KCNH1: variants seen among roughly 807,000 people sequenced by gnomAD.
KCNH1 encodes potassium voltage-gated channel subfamily H member 1.
A neutral mutation model predicts 69.2 loss-of-function variants in KCNH1; 27 were observed. That is an observed-to-expected ratio of 0.39 (90% CI 0.29 to 0.54). The LOEUF is 0.54. Among genes scored for constraint, KCNH1 ranks in the 20% least tolerant of loss-of-function variants. The probability of loss-of-function intolerance (pLI) is 0.68; values close to 1 mark genes in which losing one functional copy is unlikely to be tolerated. For synonymous variants in KCNH1, 456 were observed against 487.7 expected (o/e 0.93, Z 0.86); for missense variants, 798 against 1,261.6 (o/e 0.63, Z 5.57).
At chr1:211,115,177 C>T (rs905500636) in intron 1 of KCNH1, among the ~76,000 whole-genome samples, 9 of 152,162 alleles carry the variant, frequency 5.9e-5, no homozygotes, top group East Asian at 5.8e-4. Context: ...TTAGTAGAGA[C>T]GAGGATTCAC....
chr1:210,997,680 C>T (rs182944338), intron 6 of KCNH1, among the ~76,000 whole-genome samples: 3 of 152,136 alleles, frequency 2.0e-5, no homozygotes, highest in East Asian at 1.9e-4. Flanking sequence ...AGATACTCCT[C>T]GAGAAGAGCA....
intron 7 of KCNH1, among the ~76,000 whole-genome samples, chr1:210,829,393 C>T (rs142002973): frequency 1.1e-4 from 17 of 152,204 alleles, no homozygotes; most frequent in African/African-American, 3.6e-4. Context: ...CTCTGTATTG[C>T]GGCCAGGCTG....
At chr1:210,790,430 T>G (rs1053299149) in intron 9 of KCNH1, among the ~76,000 whole-genome samples, 1 of 152,168 alleles carries the variant, frequency 6.6e-6, no homozygotes, top group Admixed American at 6.5e-5. Context: ...TTTCCTGTCT[T>G]TGCTCCCCAC....
chr1:210,935,807 C>T (rs193048917), intron 6 of KCNH1, among the ~76,000 whole-genome samples: 8 of 152,270 alleles, frequency 5.3e-5, no homozygotes, highest in East Asian at 1.9e-4. Flanking sequence ...CCAACATCTA[C>T]GACCGGAGAG....
intron 7 of KCNH1, among the ~76,000 whole-genome samples, chr1:210,817,162 C>G (rs1377963482): frequency 6.6e-6 from 1 of 152,008 alleles, no homozygotes; most frequent in Non-Finnish European, 1.5e-5. Flanking sequence ...AATAATTACC[C>G]AAAATAATAG....
chr1:211,120,916 C>T (rs141258359), intron 1 of KCNH1, among the ~76,000 whole-genome samples: 13 of 152,170 alleles, frequency 8.5e-5, no homozygotes, highest in East Asian at 5.8e-4. Context: ...AAATCATGAA[C>T]GAACTCCCAT....
chr1:210,882,238 G>T (rs1574315098), intron 7 of KCNH1, among the ~76,000 whole-genome samples: 3 of 152,148 alleles, frequency 2.0e-5, no homozygotes, highest in Middle Eastern at 3.4e-3. Context: ...ATTTAAAGAG[G>T]TGCCCAAAGT....
chr1:211,113,163 T>C (rs1691504738), intron 1 of KCNH1, among the ~76,000 whole-genome samples: 2 of 152,218 alleles, frequency 1.3e-5, no homozygotes, highest in Admixed American at 1.3e-4. Context: ...GATTTCATCA[T>C]TTTACTCATG....
At chr1:210,763,591 C>T (rs1683563910) in intron 10 of KCNH1, among the ~76,000 whole-genome samples, 2 of 152,020 alleles carry the variant, frequency 1.3e-5, no homozygotes, top group Admixed American at 6.6e-5. Context: ...AGAGCCAAAT[C>T]AAGAATGCAA....
intron 5 of KCNH1, among the ~76,000 whole-genome samples, chr1:211,059,897 T>A (rs1445945435): frequency 6.6e-6 from 1 of 152,168 alleles, no homozygotes; most frequent in Non-Finnish European, 1.5e-5. Context: ...AACAAATGTT[T>A]ACAAAACATT....
rs1574266090 is a variant in KCNH1, at chr1:210,804,017, C to A, written c.1612G>T (p.Asp538Tyr). 6.2e-7 allele frequency: 1 copy of A among 1,614,186 alleles called. No homozygotes were observed. Residue 538 changes from aspartate to tyrosine, a missense_variant, in exon 8 of 11, where the codon GAT becomes TAT. By Grantham distance (160) the Asp-to-Tyr change is radical (BLOSUM62 -3). Transcript: ENST00000271751. ...ATGGACCAAGTGGACACAATATAATCCATTACTCGCTCACTCAATCCTTTT... is the reference window on the plus strand; with the variant it reads ...ATGGACCAAGTGGACACAATATAATACATTACTCGCTCACTCAATCCTTTT... ...VPKGLSERVM[D>Y]YIVSTWSMSR...
chr1:211,096,558 T>C (rs1445036043), intron 3 of KCNH1, among the ~76,000 whole-genome samples: 1 of 152,188 alleles, frequency 6.6e-6, no homozygotes, highest in Non-Finnish European at 1.5e-5. Flanking sequence ...AGGGCAAAAC[T>C]AGAAAAATCA....
intron 1 of KCNH1, among the ~76,000 whole-genome samples, chr1:211,113,934 AGTCTCTCTCTCTCTCTCT>A (rs1406398964): frequency 6.8e-6 from 1 of 147,710 alleles, no homozygotes; most frequent in Non-Finnish European, 1.5e-5. Flanking sequence ...CATTAGATCA[AGTCTCTCTCTCTCTCTCT>A]GTCTCTCTCT....
chr1:210,964,334 T>C (rs1465563739), intron 6 of KCNH1, among the ~76,000 whole-genome samples: 1 of 152,160 alleles, frequency 6.6e-6, no homozygotes, highest in African/African-American at 2.4e-5. Context: ...TGCAAAATCA[T>C]GCCAAATTGT....
At chr1:210,773,535 C>G (rs1471759329) in intron 10 of KCNH1, among the ~76,000 whole-genome samples, 5 of 152,224 alleles carry the variant, frequency 3.3e-5, no homozygotes, top group African/African-American at 1.2e-4. Flanking sequence ...AGCCCCGTGA[C>G]AGGCATTGGA....
intron 4 of KCNH1, among the ~76,000 whole-genome samples, chr1:211,087,613 A>ACACACACACACACACACACACACG (rs1690977944): frequency 3.1e-5 from 3 of 95,866 alleles, no homozygotes; most frequent in Admixed American, 1.2e-4. Flanking sequence ...GCATACACAC[A>ACACACACACACACACACACACACG]CACACACACA....
intron 10 of KCNH1, among the ~76,000 whole-genome samples, chr1:210,698,756 C>T (rs1345226461): frequency 6.6e-6 from 1 of 152,166 alleles, no homozygotes; most frequent in Non-Finnish European, 1.5e-5. Flanking sequence ...TATTACAAAT[C>T]CCATTATGGA....
chr1:210,776,879 C>T (rs777406901), intron 9 of KCNH1, among the ~76,000 whole-genome samples: 1 of 152,184 alleles, frequency 6.6e-6, no homozygotes, highest in Non-Finnish European at 1.5e-5. Context: ...TAACATATGT[C>T]AAATGCAAAG....
At chr1:211,063,002 C>T (rs1055396902) in intron 5 of KCNH1, among the ~76,000 whole-genome samples, 4 of 152,246 alleles carry the variant, frequency 2.6e-5, no homozygotes, top group African/African-American at 7.2e-5. Flanking sequence ...GAGATATCTG[C>T]ACTTCCCATA....
Sources: gnomAD v4.1 joint callset for allele counts (sites outside exome capture counted in the v4.1 genomes callset) on GRCh38, gnomAD v4.1.1 for gene constraint, MANE v1.5 for transcripts, NCBI Gene and HGNC (gene_info 2026-07-23, HGNC 2026-07-21) for gene names.